The following PLD1 variants were observed in gnomAD, a reference collection of about 807,000 sequenced individuals.
The protein encoded by PLD1 is phospholipase D1, also known as choline phosphatase 1.
Under a neutral mutation model 137.1 loss-of-function variants are expected in PLD1, and 112 were observed. The ratio of observed to expected loss-of-function variants is 0.82; its 90% CI spans 0.70 to 0.96. PLD1 has a LOEUF of 0.96. Among genes scored for constraint, PLD1 ranks in the 40% least tolerant of loss-of-function variants. The pLI, the probability that PLD1 is intolerant of heterozygous loss-of-function variation, is 0.00. For synonymous variants in PLD1, 431 were observed against 454.7 expected (o/e 0.95, Z 0.66); for missense variants, 1,321 against 1,342.0 (o/e 0.98, Z 0.24).
At chr3:171,766,915 C>T (rs1722014681) in intron 1 of PLD1, among the ~76,000 whole-genome samples, 1 of 151,950 alleles carries the variant, frequency 6.6e-6, no homozygotes, top group Admixed American at 6.5e-5. Context: ...AAATTTTAGC[C>T]AAATTGGGTA....
At chr3:171,749,983 C>T (rs1382371838) in intron 1 of PLD1, among the ~76,000 whole-genome samples, 2 of 152,086 alleles carry the variant, frequency 1.3e-5, no homozygotes, top group East Asian at 3.8e-4. Flanking sequence ...CTAAACTCAA[C>T]AAAAAATCCC....
chr3:171,618,230 A>G (rs1331080167), intron 24 of PLD1, among the ~76,000 whole-genome samples: 1 of 152,230 alleles, frequency 6.6e-6, no homozygotes, highest in African/African-American at 2.4e-5. Flanking sequence ...TTGATCAAGT[A>G]TTGCTAAACA....
chr3:171,679,555 T>C (rs918991074), intron 16 of PLD1, among the ~76,000 whole-genome samples: 5 of 152,212 alleles, frequency 3.3e-5, no homozygotes, highest in African/African-American at 9.6e-5. Flanking sequence ...AATACACATA[T>C]ACAATTTGCT....
chr3:171,756,867 T>A (rs1721068412), intron 1 of PLD1, among the ~76,000 whole-genome samples: 1 of 152,226 alleles, frequency 6.6e-6, no homozygotes, highest in South Asian at 2.1e-4. Flanking sequence ...GTCAATACAC[T>A]AAAAATCTTG....
chr3:171,673,068 A>G (rs1266151812), intron 19 of PLD1, among the ~76,000 whole-genome samples: 1 of 152,214 alleles, frequency 6.6e-6, no homozygotes, highest in Admixed American at 6.5e-5. Context: ...GCAAGTTCAA[A>G]TCTTAAATTC....
chr3:171,714,849 G>T (rs1451537511), intron 8 of PLD1, among the ~76,000 whole-genome samples: 1 of 152,004 alleles, frequency 6.6e-6, no homozygotes, highest in Non-Finnish European at 1.5e-5. Context: ...GTATGGTTCA[G>T]AAAAGGAAAA....
chr3:171,673,155 A>G (rs1712964997), intron 19 of PLD1, among the ~76,000 whole-genome samples: 1 of 152,250 alleles, frequency 6.6e-6, no homozygotes. Flanking sequence ...GAATAAAATT[A>G]AACAGGTTCA....
At chr3:171,620,754 A>C (rs1184247232) in intron 23 of PLD1, among the ~76,000 whole-genome samples, 65 of 138,180 alleles carry the variant, frequency 4.7e-4, no homozygotes, top group African/African-American at 1.4e-3. Context: ...ATATATATAT[A>C]TATATATATA....
chr3:171,768,699 CT>C (rs2108326237), intron 1 of PLD1, among the ~76,000 whole-genome samples: 1 of 152,294 alleles, frequency 6.6e-6, no homozygotes, highest in Non-Finnish European at 1.5e-5. Flanking sequence ...AAAAGTTTGC[CT>C]AAGAATTTCT....
chr3:171,666,555 CTTTTG>C (rs1312883480), intron 19 of PLD1, among the ~76,000 whole-genome samples: 5 of 152,156 alleles, frequency 3.3e-5, no homozygotes, highest in African/African-American at 1.2e-4. Flanking sequence ...GATTGATTTC[CTTTTG>C]TTTTATTTTT....
intron 24 of PLD1, among the ~76,000 whole-genome samples, chr3:171,616,128 T>A (rs1418972013): frequency 6.6e-6 from 1 of 152,232 alleles, no homozygotes; most frequent in African/African-American, 2.4e-5. Flanking sequence ...TTTGATGAAG[T>A]TCCTATACAA....
At chr3:171,748,809 A>G (rs1720454542) in intron 1 of PLD1, among the ~76,000 whole-genome samples, 1 of 149,384 alleles carries the variant, frequency 6.7e-6, no homozygotes, top group Non-Finnish European at 1.5e-5. Context: ...AATGGAAGTA[A>G]TATTGCGTGG....
chr3:171,652,412 CA>C (rs1200348368), intron 21 of PLD1, among the ~76,000 whole-genome samples: 8,439 of 58,826 alleles, frequency 0.14, 609 homozygotes, highest in African/African-American at 0.33. Context: ...GACTCCTTCT[CA>C]AAAAAAAAAA....
At chr3:171,742,358 T>G (rs561429307) in intron 1 of PLD1, among the ~76,000 whole-genome samples, 17 of 152,308 alleles carry the variant, frequency 1.1e-4, no homozygotes, top group Admixed American at 2.0e-4. Context: ...CCAGAGTAAC[T>G]AAGACTGTAG....
At position 171,764,572 on chromosome 3, in the gene PLD1, TA is replaced by T. The variant is rs1193740724; in HGVS notation, c.-31-26491del. On this transcript the variant is annotated intron_variant, in intron 1 of 26. Transcript: ENST00000351298. Reference sequence around the variant, plus strand: ...GTACTTTTCTTTAACTTTGAAAAGTTAAAGAGTTAGACACTCCAGAGGCCAA... The same window carrying T: ...GTACTTTTCTTTAACTTTGAAAAGTTAAGAGTTAGACACTCCAGAGGCCAA... Among the ~76,000 whole-genome samples the T allele has an allele frequency of 3.9e-5, 6 of 152,082 alleles. No homozygotes were observed. In the South Asian group the frequency reaches 1.0e-3, roughly 26 times the overall value.
intron 19 of PLD1, among the ~76,000 whole-genome samples, chr3:171,664,926 T>C (rs772453099): frequency 1.3e-5 from 2 of 152,160 alleles, no homozygotes; most frequent in African/African-American, 4.8e-5. Flanking sequence ...GTGATAATAA[T>C]GGTATGTGGC....
intron 12 of PLD1, among the ~76,000 whole-genome samples, chr3:171,697,631 C>T (rs1007111211): frequency 2.0e-5 from 3 of 152,146 alleles, no homozygotes; most frequent in Non-Finnish European, 4.4e-5. Context: ...GATGAACCAC[C>T]CTACCGTGCC....
chr3:171,655,074 G>A (rs1029398223), intron 21 of PLD1, among the ~76,000 whole-genome samples: 3 of 152,210 alleles, frequency 2.0e-5, no homozygotes, highest in African/African-American at 4.8e-5. Flanking sequence ...GGGTAGGAGG[G>A]ACCTGGCAGA....
At chr3:171,686,448 T>A (rs1714566662) in intron 16 of PLD1, among the ~76,000 whole-genome samples, 1 of 152,240 alleles carries the variant, frequency 6.6e-6, no homozygotes, top group South Asian at 2.1e-4. Flanking sequence ...TTGAATTGCA[T>A]GTGCCATGCA....
Sources: gnomAD v4.1 joint callset for allele counts (sites outside exome capture counted in the v4.1 genomes callset) on GRCh38, gnomAD v4.1.1 for gene constraint, MANE v1.5 for transcripts, NCBI Gene and HGNC (gene_info 2026-07-23, HGNC 2026-07-21) for gene names.